The following LHFPL3 variants were observed in gnomAD, a reference collection of about 807,000 sequenced individuals.
The protein encoded by LHFPL3 is LHFPL tetraspan subfamily member 3 protein.
In LHFPL3, 5 loss-of-function variants were observed where a neutral mutation model predicts 19.3. The ratio of observed to expected loss-of-function variants is 0.26; its 90% CI spans 0.14 to 0.54. The LOEUF (loss-of-function observed/expected upper bound fraction) is 0.54. LHFPL3 is among the 20% of genes least tolerant of loss of function. The pLI, the probability that LHFPL3 is intolerant of heterozygous loss-of-function variation, is 0.94. For synonymous variants in LHFPL3, 133 were observed against 126.2 expected, an observed-to-expected ratio of 1.05 and a Z score of -0.36; for missense variants, 249 against 307.4, an observed-to-expected ratio of 0.81 and a Z score of 1.42.
chr7:104,738,311 C>G (rs1793868336), intron 2 of LHFPL3, among the ~76,000 whole-genome samples: 1 of 152,050 alleles, frequency 6.6e-6, no homozygotes, highest in Admixed American at 6.6e-5. Context: ...TAGTGTGGTA[C>G]CTTTGTTGTC....
chr7:104,342,673 C>T (rs918164542), intron 1 of LHFPL3, among the ~76,000 whole-genome samples: 2 of 152,148 alleles, frequency 1.3e-5, no homozygotes, highest in Non-Finnish European at 2.9e-5. Flanking sequence ...AGCACACTTC[C>T]CTTCTCTAAA....
At chr7:104,550,089 T>C (rs1282299813) in intron 1 of LHFPL3, among the ~76,000 whole-genome samples, 1 of 152,148 alleles carries the variant, frequency 6.6e-6, no homozygotes, top group Non-Finnish European at 1.5e-5. Context: ...TTTTGCAGAT[T>C]GAACCTAAAA....
intron 1 of LHFPL3, among the ~76,000 whole-genome samples, chr7:104,383,598 A>C (rs1210560271): frequency 6.6e-6 from 1 of 152,204 alleles, no homozygotes; most frequent in Non-Finnish European, 1.5e-5. Flanking sequence ...TTTTCTCCTA[A>C]GGAGCAACAT....
chr7:104,541,145 CACA>C (rs1794479162), intron 1 of LHFPL3, among the ~76,000 whole-genome samples: 2 of 145,828 alleles, frequency 1.4e-5, no homozygotes, highest in African/African-American at 2.6e-5. Flanking sequence ...CACACACACA[CACA>C]ACCCTGTGGC....
At chr7:104,669,539 G>A (rs1792430296) in intron 1 of LHFPL3, 3 of 1,611,614 alleles carry the variant, frequency 1.9e-6, no homozygotes, top group African/African-American at 2.7e-5. Context: ...TCTGTTGATG[G>A]TGAAGATGAA....
intron 2 of LHFPL3, among the ~76,000 whole-genome samples, chr7:104,859,539 C>T (rs1021731562): frequency 4.0e-5 from 6 of 151,860 alleles, no homozygotes; most frequent in African/African-American, 1.5e-4. Context: ...CATGGTGGCA[C>T]ATGCCTGTAG....
At chr7:104,620,993 C>T (rs562954224) in intron 1 of LHFPL3, among the ~76,000 whole-genome samples, 40 of 152,216 alleles carry the variant, frequency 2.6e-4, no homozygotes, top group Non-Finnish European at 4.9e-4. Context: ...TCACCATCTT[C>T]TGCTCACAGA....
intron 1 of LHFPL3, among the ~76,000 whole-genome samples, chr7:104,617,413 C>A (rs1791367576): frequency 6.6e-6 from 1 of 152,128 alleles, no homozygotes; most frequent in Non-Finnish European, 1.5e-5. Context: ...ACAACAAAAG[C>A]TGGTGTACTC....
intron 1 of LHFPL3, among the ~76,000 whole-genome samples, chr7:104,611,005 A>G (rs1039627142): frequency 8.5e-5 from 13 of 152,186 alleles, no homozygotes; most frequent in Admixed American, 4.6e-4. Context: ...CTATGAAGCA[A>G]TGAGATGCTG....
intron 2 of LHFPL3, among the ~76,000 whole-genome samples, chr7:104,817,885 C>A (rs1790595336): frequency 6.6e-6 from 1 of 152,214 alleles, no homozygotes. Flanking sequence ...ATTCCGATAC[C>A]TAGCACCAGG....
At chr7:104,844,509 C>G (rs1198942895) in intron 2 of LHFPL3, among the ~76,000 whole-genome samples, 1 of 152,216 alleles carries the variant, frequency 6.6e-6, no homozygotes, top group Non-Finnish European at 1.5e-5. Context: ...AACTATTGCT[C>G]TATCCATGTG....
rs989371574 is a variant in LHFPL3 at position 104,824,861 on chromosome 7, T to C, written c.683-81326T>C. On this transcript the variant is annotated intron_variant, in intron 2 of 2. Coordinates refer to ENST00000424859, the MANE Select transcript of LHFPL3 (RefSeq NM_199000.3). The stretch of plus-strand genomic sequence containing the variant: ...TATTATATATTATCTAATAATTATA[T>C]ATATTATCTAATAATTATATATATT... Among the ~76,000 whole-genome samples the C allele has an allele frequency of 1.2e-4, 16 of 134,090 alleles. No individual in the cohort carries two copies. In the South Asian group the frequency reaches 3.5e-3, roughly 29 times the overall value. The allele number at this position is 134,090 out of a possible 152,430, so 88.0% of individuals were successfully genotyped here.
intron 2 of LHFPL3, among the ~76,000 whole-genome samples, chr7:104,811,490 C>G (rs1348460766): frequency 6.6e-6 from 1 of 152,128 alleles, no homozygotes; most frequent in Non-Finnish European, 1.5e-5. Context: ...CATGGGCCAC[C>G]ATGACTAGCT....
At chr7:104,720,603 C>T (rs937454323) in intron 1 of LHFPL3, among the ~76,000 whole-genome samples, 61 of 152,120 alleles carry the variant, frequency 4.0e-4, no homozygotes, top group African/African-American at 1.5e-3. Flanking sequence ...AGTGAACAGT[C>T]AACCTACAGA....
At chr7:104,778,774 A>G (rs1418718048) in intron 2 of LHFPL3, among the ~76,000 whole-genome samples, 1 of 152,232 alleles carries the variant, frequency 6.6e-6, no homozygotes, top group Non-Finnish European at 1.5e-5. Context: ...TCCAGGCTGC[A>G]ACACTTACAC....
chr7:104,420,730 T>C (rs533839003), intron 1 of LHFPL3, among the ~76,000 whole-genome samples: 2 of 152,058 alleles, frequency 1.3e-5, no homozygotes, highest in African/African-American at 2.4e-5. Context: ...CGGCTAATTT[T>C]TGTATTTTTT....
At chr7:104,704,414 A>G (rs1793151369) in intron 1 of LHFPL3, among the ~76,000 whole-genome samples, 1 of 152,168 alleles carries the variant, frequency 6.6e-6, no homozygotes, top group Non-Finnish European at 1.5e-5. Context: ...GTATTCATTC[A>G]GTTTTAACCA....
intron 2 of LHFPL3, among the ~76,000 whole-genome samples, chr7:104,793,824 A>G (rs1479444298): frequency 1.3e-5 from 2 of 152,226 alleles, no homozygotes; most frequent in Non-Finnish European, 2.9e-5. Flanking sequence ...GGTATCTCCC[A>G]TAGGAGAAGG....
intron 1 of LHFPL3, among the ~76,000 whole-genome samples, chr7:104,693,808 T>C (rs1792950305): frequency 7.3e-6 from 1 of 137,486 alleles, no homozygotes; most frequent in Non-Finnish European, 1.6e-5. Flanking sequence ...TTTTTTTGTA[T>C]TTTTAGTAGA....
Sources: gnomAD v4.1 joint callset for allele counts (sites outside exome capture counted in the v4.1 genomes callset) on GRCh38, gnomAD v4.1.1 for gene constraint, MANE v1.5 for transcripts, NCBI Gene and HGNC (gene_info 2026-07-23, HGNC 2026-07-21) for gene names.